Variants in PRH1 observed in about 807,000 individuals in gnomAD.
The protein encoded by PRH1 is proline rich protein HaeIII subfamily 1, also known as salivary acidic proline-rich phosphoprotein 1/2.
In PRH1, 7 loss-of-function variants were observed where a neutral mutation model predicts 7.9. That is an observed-to-expected ratio of 0.89 (90% confidence interval 0.50 to 1.67). PRH1 has a LOEUF of 1.67. PRH1 is among the 40% of genes most tolerant of loss of function. PRH1 has a pLI of 0.00. For missense variants in PRH1, 109 were observed against 223.6 expected (o/e 0.49, Z 3.27); for synonymous variants, 45 against 80.8 (o/e 0.56, Z 2.38).
At chr12:11,000,495 C>A (rs940537090) in intron 1 of PRH1, among the ~76,000 whole-genome samples, 2 of 152,072 alleles carry the variant, frequency 1.3e-5, no homozygotes, top group Admixed American at 6.6e-5. Context: ...TTTCCTCTGG[C>A]TACTTTTCAG....
intron 1 of PRH1, among the ~76,000 whole-genome samples, chr12:11,103,320 A>G (rs973096848): frequency 3.3e-5 from 5 of 152,202 alleles, no homozygotes; most frequent in African/African-American, 1.2e-4. Context: ...CTGGATAAAG[A>G]AAATGTGGCA....
intron 1 of PRH1, among the ~76,000 whole-genome samples, chr12:11,016,291 C>G (rs1941289159): frequency 6.6e-6 from 1 of 152,142 alleles, no homozygotes; most frequent in African/African-American, 2.4e-5. Flanking sequence ...CACTTAAAGG[C>G]AAGACACTTT....
chr12:10,966,497 A>G (rs1349636277), intron 2 of PRH1, among the ~76,000 whole-genome samples: 3 of 152,170 alleles, frequency 2.0e-5, no homozygotes, highest in Non-Finnish European at 4.4e-5. Context: ...GGAGAATGAG[A>G]AAATAATGGA....
intron 2 of PRH1, among the ~76,000 whole-genome samples, chr12:10,956,925 A>G (rs1488361789): frequency 6.6e-6 from 1 of 152,178 alleles, no homozygotes; most frequent in Non-Finnish European, 1.5e-5. Context: ...ACATGGACAA[A>G]CGGGAAAACG....
At chr12:11,016,877 A>G (rs1941321521) in intron 1 of PRH1, among the ~76,000 whole-genome samples, 1 of 152,194 alleles carries the variant, frequency 6.6e-6, no homozygotes, top group Non-Finnish European at 1.5e-5. Flanking sequence ...GAAAAATAAT[A>G]ATCACATTCT....
intron 1 of PRH1, among the ~76,000 whole-genome samples, chr12:11,068,212 C>T (rs1943909167): frequency 6.6e-6 from 1 of 152,162 alleles, no homozygotes; most frequent in Admixed American, 6.5e-5. Context: ...TTATCTCCTC[C>T]CTCCTGATTA....
At position 11,094,739 on chromosome 12, in the gene PRH1, A is replaced by G. The variant is rs576539093; in HGVS notation, n.124-47551T>C. Among the ~76,000 whole-genome samples the G allele has an allele frequency of 2.2e-3, 254 of 115,904 alleles. 85 individuals are homozygous for G. The highest frequency in any genetic ancestry group is 4.3e-3 in the Non-Finnish European group (213 of 49,070). 76.0% of individuals were successfully genotyped at this position (115,904 alleles called of 152,430 possible). A position where few individuals can be genotyped will look rare whatever the true frequency, so the allele number is the denominator to read the frequency against. On this transcript the variant is annotated intron_variant and non_coding_transcript_variant, in intron 1 of 4. Transcript: ENST00000541977. ...TCTCCTAATTACAAATTTGTATATT[A>G]AAGTTATAATGCGCACTTAGAAATG...
intron 2 of PRH1, among the ~76,000 whole-genome samples, chr12:10,940,046 T>A (rs1950372438): frequency 6.6e-6 from 1 of 152,204 alleles, no homozygotes; most frequent in South Asian, 2.1e-4. Context: ...GATGGTTTTT[T>A]AAAGTTAAGT....
At chr12:11,010,413 T>C (rs4763607) in intron 1 of PRH1, among the ~76,000 whole-genome samples, 46,172 of 151,702 alleles carry the variant, frequency 0.3, 8,884 homozygotes, top group East Asian at 0.74. Flanking sequence ...ACTATTTTAA[T>C]TTTTCTTCAT....
chr12:11,144,738 T>C (rs150698266), intron 1 of PRH1, among the ~76,000 whole-genome samples: 3 of 152,196 alleles, frequency 2.0e-5, no homozygotes, highest in Non-Finnish European at 4.4e-5. Flanking sequence ...GAATCGGCTG[T>C]TTGGGGACCC....
At chr12:11,080,855 G>T (rs983160910) in intron 1 of PRH1, among the ~76,000 whole-genome samples, 1,630 of 77,506 alleles carry the variant, frequency 0.021, 6 homozygotes, top group Non-Finnish European at 0.03. Context: ...TTGCATTCCT[G>T]CTTCCATATT....
In PRH1 at chr12:10,966,067, T is replaced by C. The variant is rs1938486475; in HGVS notation, c.-59+7588A>G. ...CAGAAAAAATGAACTTTTAAAATAATTTCCAAAATGGAAAATGCATTTCCA... is the reference window on the plus strand; with the variant it reads ...CAGAAAAAATGAACTTTTAAAATAACTTCCAAAATGGAAAATGCATTTCCA... On this transcript the variant is annotated intron_variant, in intron 2 of 3. Coordinates refer to the PRH1 transcript ENST00000539853. Among the ~76,000 whole-genome samples, 3 of 152,090 alleles carry C rather than the reference T, an allele frequency of 2.0e-5. No individual in the cohort carries two copies. The South Asian group carries it at 6.2e-4, about 32-fold the overall frequency.
intron 1 of PRH1, among the ~76,000 whole-genome samples, chr12:10,993,009 A>C (rs1283154372): frequency 6.6e-6 from 1 of 152,204 alleles, no homozygotes; most frequent in African/African-American, 2.4e-5. Flanking sequence ...CAAAAAACTC[A>C]AAAGTTCCAG....
chr12:11,028,555 A>C (rs1322367980), intron 1 of PRH1, among the ~76,000 whole-genome samples: 2 of 152,238 alleles, frequency 1.3e-5, no homozygotes, highest in Admixed American at 6.5e-5. Flanking sequence ...GTATTACATT[A>C]AAAACATTTT....
chr12:10,924,723 G>A (rs1247543833), intron 2 of PRH1, among the ~76,000 whole-genome samples: 2 of 152,168 alleles, frequency 1.3e-5, no homozygotes, highest in Non-Finnish European at 2.9e-5. Context: ...TCCTGGTTTA[G>A]TCTTGGGAGG....
intron 2 of PRH1, among the ~76,000 whole-genome samples, chr12:10,943,802 C>A (rs749809414): frequency 6.6e-6 from 1 of 152,128 alleles, no homozygotes; most frequent in African/African-American, 2.4e-5. Flanking sequence ...AGCCAGTTAT[C>A]CCAGTGCTAT....
intron 2 of PRH1, among the ~76,000 whole-genome samples, chr12:10,932,492 TTC>T (rs1186292522): frequency 6.6e-6 from 1 of 152,124 alleles, no homozygotes; most frequent in Non-Finnish European, 1.5e-5. Context: ...GTTTCTTTCC[TTC>T]TCTGTCTTCT....
rs201012277 is a variant in PRH1, at chr12:11,084,823, C to CT, written n.124-37636dup. Among the ~76,000 whole-genome samples, 65 of 77,918 alleles carry CT rather than the reference C, an allele frequency of 8.3e-4. 13 individuals are homozygous for CT. The highest frequency in any genetic ancestry group is 5.7e-3 in the Admixed American group (45 of 7,950). 51.1% of individuals were successfully genotyped at this position (77,918 alleles called of 152,430 possible). ...TTCATATTCTTTTTTCTTTTCTTTT[C>CT]TTTTTTGGAGACAGAGTCTTGCTCT... On this transcript the variant is annotated intron_variant and non_coding_transcript_variant, in intron 1 of 4. Transcript: ENST00000541977.
At chr12:11,128,032 A>T (rs572980773) in intron 1 of PRH1, among the ~76,000 whole-genome samples, 1 of 145,734 alleles carries the variant, frequency 6.9e-6, no homozygotes, top group Non-Finnish European at 1.5e-5. Context: ...AATGGTGTGA[A>T]CCCAGGAGGC....
Sources: allele counts gnomAD v4.1 joint callset (sites outside exome capture counted in the v4.1 genomes callset), GRCh38; gene constraint gnomAD v4.1.1; transcripts MANE v1.5; gene names NCBI Gene and HGNC (gene_info 2026-07-23, HGNC 2026-07-21).